The following MAGI2 variants were observed in gnomAD, a reference collection of about 807,000 sequenced individuals.
MAGI2 encodes the protein membrane associated guanylate kinase, WW and PDZ domain containing 2, also known as membrane-associated guanylate kinase, WW and PDZ domain-containing protein 2.
Under a neutral mutation model 133.3 loss-of-function variants are expected in MAGI2, and 35 were observed. That is an observed-to-expected ratio of 0.26 (90% CI 0.20 to 0.35). The LOEUF (loss-of-function observed/expected upper bound fraction) is 0.35, where lower values mean the gene tolerates loss of function less well. Among genes scored for constraint, MAGI2 ranks in the 10% least tolerant of loss-of-function variants. The probability of loss-of-function intolerance (pLI) is 1.00; values close to 1 mark genes in which losing one functional copy is unlikely to be tolerated. For synonymous variants in MAGI2, 729 were observed against 710.6 expected, an observed-to-expected ratio of 1.03 and a Z score of -0.41; for missense variants, 1,636 against 1,863.4, an observed-to-expected ratio of 0.88 and a Z score of 2.25.
intron 10 of MAGI2, among the ~76,000 whole-genome samples, chr7:78,249,531 A>G (rs1792157527): frequency 6.6e-6 from 1 of 152,182 alleles, no homozygotes; most frequent in Non-Finnish European, 1.5e-5. Flanking sequence ...TTCAGCCACA[A>G]AAGAGAATGA....
At chr7:79,309,437 C>T (rs888556596) in intron 1 of MAGI2, among the ~76,000 whole-genome samples, 58 of 150,370 alleles carry the variant, frequency 3.9e-4, no homozygotes, top group South Asian at 1.3e-3. Context: ...TGTGCTTTTA[C>T]GTTAAAATAT....
intron 6 of MAGI2, among the ~76,000 whole-genome samples, chr7:78,424,890 T>C (rs899733852): frequency 6.6e-6 from 1 of 152,204 alleles, no homozygotes; most frequent in Non-Finnish European, 1.5e-5. Context: ...TATAGGCTTA[T>C]AGACAGAAGG....
intron 6 of MAGI2, among the ~76,000 whole-genome samples, chr7:78,464,174 A>G (rs1250878779): frequency 6.6e-6 from 1 of 152,080 alleles, no homozygotes; most frequent in African/African-American, 2.4e-5. Flanking sequence ...TCTAAAAAGG[A>G]TATTTGAGAA....
intron 9 of MAGI2, among the ~76,000 whole-genome samples, chr7:78,301,794 G>C (rs118083019): frequency 8.5e-4 from 130 of 152,258 alleles, no homozygotes; most frequent in Middle Eastern, 6.8e-3. Flanking sequence ...TGTACATATA[G>C]AGTATGTGCT....
intron 1 of MAGI2, among the ~76,000 whole-genome samples, chr7:79,015,893 A>T (rs1021875700): frequency 1.3e-5 from 2 of 151,432 alleles, no homozygotes; most frequent in Non-Finnish European, 2.9e-5. Flanking sequence ...GGGAAGATCC[A>T]TTGAAAATGG....
chr7:79,449,897 T>TATATATATATATATATATATA (rs1491494586), intron 1 of MAGI2, among the ~76,000 whole-genome samples: 1 of 132,326 alleles, frequency 7.6e-6, no homozygotes, highest in Admixed American at 7.6e-5. Flanking sequence ...TATATATATA[T>TATATATATATATATATATATA]AATGTCTTAA....
intron 2 of MAGI2, among the ~76,000 whole-genome samples, chr7:78,869,084 GT>G (rs1396196977): frequency 1.3e-5 from 2 of 152,138 alleles, no homozygotes; most frequent in Non-Finnish European, 2.9e-5. Context: ...GATTAAGATT[GT>G]CATCATTTTT....
intron 6 of MAGI2, among the ~76,000 whole-genome samples, chr7:78,383,892 T>C (rs1199106962): frequency 6.6e-6 from 1 of 152,128 alleles, no homozygotes; most frequent in African/African-American, 2.4e-5. Context: ...TTGTTGAATA[T>C]CAGCTAGCTG....
chr7:78,629,856 T>C (rs1808771503), intron 2 of MAGI2, among the ~76,000 whole-genome samples: 1 of 152,160 alleles, frequency 6.6e-6, no homozygotes, highest in African/African-American at 2.4e-5. Context: ...ATTTTTCTTA[T>C]CTGCATTACT....
chr7:78,358,231 G>A (rs1584992328), intron 7 of MAGI2: 3 of 96,500 alleles, frequency 3.1e-5, no homozygotes, highest in Admixed American at 1.4e-4. Flanking sequence ...ATATATATAT[G>A]GACAGAGAGA....
chr7:78,879,032 T>A (rs1448688294), intron 2 of MAGI2, among the ~76,000 whole-genome samples: 3 of 152,146 alleles, frequency 2.0e-5, no homozygotes, highest in Non-Finnish European at 4.4e-5. Context: ...CTTCAGGCAT[T>A]TGAAGCATCC....
chr7:78,842,534 C>T (rs1164314619), intron 2 of MAGI2, among the ~76,000 whole-genome samples: 2 of 151,498 alleles, frequency 1.3e-5, no homozygotes, highest in African/African-American at 4.8e-5. Flanking sequence ...GCTAGTAATC[C>T]GTTTGTTTAT....
intron 1 of MAGI2, among the ~76,000 whole-genome samples, chr7:79,137,815 C>T (rs1821734188): frequency 6.6e-6 from 1 of 152,058 alleles, no homozygotes; most frequent in Admixed American, 6.5e-5. Flanking sequence ...CCCCACCCCA[C>T]AACATATGTC....
chr7:79,103,470 A>G (rs1201978496), intron 1 of MAGI2, among the ~76,000 whole-genome samples: 1 of 152,178 alleles, frequency 6.6e-6, no homozygotes, highest in African/African-American at 2.4e-5. Flanking sequence ...AAACTGAAAT[A>G]TGAACAGATA....
intron 1 of MAGI2, chr7:79,354,321 G>C (rs1170570736): frequency 6.6e-6 from 1 of 152,486 alleles, no homozygotes; most frequent in African/African-American, 2.4e-5. Context: ...AGTCCCTGAG[G>C]CCACAGTCCC....
At chr7:79,018,909 C>A (rs1424079110) in intron 1 of MAGI2, among the ~76,000 whole-genome samples, 1 of 152,068 alleles carries the variant, frequency 6.6e-6, no homozygotes, top group African/African-American at 2.4e-5. Flanking sequence ...TAGAGACCTA[C>A]AAAGAGACAT....
intron 15 of MAGI2, among the ~76,000 whole-genome samples, chr7:78,162,357 CA>C (rs3085587): frequency 0.5 from 68,805 of 136,954 alleles, 17,158 homozygotes; most frequent in African/African-American, 0.63. Context: ...ACTAAAAATA[CA>C]AAAAAAAAAA....
At chr7:79,079,629 A>C (rs1176425311) in intron 1 of MAGI2, among the ~76,000 whole-genome samples, 1 of 152,168 alleles carries the variant, frequency 6.6e-6, no homozygotes, top group Non-Finnish European at 1.5e-5. Flanking sequence ...GGCAAGATAG[A>C]AATGGTTGAG....
Position 78,521,556 on chromosome 7 carries a change from T to A in MAGI2, c.628A>T (p.Ser210Cys), listed in dbSNP as rs1353827437. The A allele has an allele frequency of 1.2e-6, 2 of 1,614,190 alleles. No homozygotes were observed. Among genetic ancestry groups the A allele is most frequent in the Admixed American group, 3.3e-5 (2 of 60,030 alleles). Residue 210 changes from serine to cysteine, a missense_variant, in exon 4 of 22, where the codon AGT becomes TGT. By Grantham distance (112) the Ser-to-Cys change is moderately radical. Around this residue, in one of 5 missense-constraint regions of MAGI2, gnomAD observed 165 missense variants for 128.4 expected, o/e 1.28. Coordinates refer to ENST00000354212, the MANE Select transcript of MAGI2 (RefSeq NM_012301.4). ...TDQILPGATP[S>C]AEGKRKRNKS... ...TTCCTCTTCCGTTTTCCTTCAGCAC[T>A]TGGAGTGGCTCCTGGAAGTATCTGG...
Sources: allele counts gnomAD v4.1 joint callset (sites outside exome capture counted in the v4.1 genomes callset), GRCh38; gene constraint gnomAD v4.1.1; regional missense constraint gnomAD v4.1.1; transcripts MANE v1.5; gene names NCBI Gene and HGNC (gene_info 2026-07-23, HGNC 2026-07-21).